USP38: variants seen among roughly 807,000 people sequenced by gnomAD.
The protein encoded by USP38 is ubiquitin carboxyl-terminal hydrolase 38.
Under a neutral mutation model 94.3 loss-of-function variants are expected in USP38, and 49 were observed. That is an observed-to-expected ratio of 0.52 (90% CI 0.41 to 0.66). USP38 has a LOEUF of 0.66. Among genes scored for constraint, USP38 ranks in the 30% least tolerant of loss-of-function variants. USP38 has a pLI of 0.00. For synonymous variants in USP38, 468 were observed against 463.6 expected, an observed-to-expected ratio of 1.01 and a Z score of -0.12; for missense variants, 1,128 against 1,229.4, an observed-to-expected ratio of 0.92 and a Z score of 1.23.
In USP38 at chr4:143,221,699, TA is replaced by T. The variant is rs927810973; in HGVS notation, c.*1246del. On this transcript the variant is annotated 3_prime_UTR_variant, in exon 10 of 10. Coordinates refer to ENST00000307017, the MANE Select transcript of USP38 (RefSeq NM_032557.6). ...GAGTTATCCCAGTTATCCCCCTTCCTAAAGGTTTTAACTTATCCACAGTTGT... is the reference window on the plus strand; with the variant it reads ...GAGTTATCCCAGTTATCCCCCTTCCTAAGGTTTTAACTTATCCACAGTTGT... 1 of 152,134 alleles carries T rather than the reference TA, an allele frequency of 6.6e-6. No individual in the cohort carries two copies. Among genetic ancestry groups the T allele is most frequent in the Non-Finnish European group, 1.5e-5 (1 of 67,988 alleles). The allele number at this position is 152,134 out of a possible 1,614,324, so 9.4% of individuals were successfully genotyped here. A position where few individuals can be genotyped will look rare whatever the true frequency, so the allele number is the denominator to read the frequency against.
intron 7 of USP38, among the ~76,000 whole-genome samples, chr4:143,211,355 G>A (rs1257432917): frequency 6.6e-6 from 1 of 151,824 alleles, no homozygotes; most frequent in Non-Finnish European, 1.5e-5. Context: ...TTAACCCCTG[G>A]TCTAAATCTT....
chr4:143,201,220 C>T (rs139699776), intron 4 of USP38, among the ~76,000 whole-genome samples: 2,986 of 152,138 alleles, frequency 0.02, 45 homozygotes, highest in Non-Finnish European at 0.031. Flanking sequence ...AGCCCACAGA[C>T]GAAGCTGCAC....
Position 143,195,625 on chromosome 4 carries a change from A to G in USP38, c.819-91A>G. 3 of 1,325,322 alleles carry G rather than the reference A, an allele frequency of 2.3e-6. No homozygotes were observed. The South Asian group carries it at 4.9e-5, about 22-fold the overall frequency. The allele number at this position is 1,325,322 out of a possible 1,614,324, so 82.1% of individuals were successfully genotyped here. A position where few individuals can be genotyped will look rare whatever the true frequency, so the allele number is the denominator to read the frequency against. ...GCAAATTCAGTAAATGTTTATTCACAAAGTGAGTGATTATCTACTGTAACT... is the reference window on the plus strand; with the variant it reads ...GCAAATTCAGTAAATGTTTATTCACGAAGTGAGTGATTATCTACTGTAACT... On this transcript the variant is annotated intron_variant, in intron 2 of 9. Coordinates refer to ENST00000307017, the MANE Select transcript of USP38 (RefSeq NM_032557.6).
chr4:143,200,306 A>G (rs1731675221), intron 4 of USP38, among the ~76,000 whole-genome samples: 1 of 152,218 alleles, frequency 6.6e-6, no homozygotes, highest in Non-Finnish European at 1.5e-5. Flanking sequence ...CAATGGATGC[A>G]GAAAAAGCTT....
rs1367113900 is a variant in USP38 at position 143,222,024 on chromosome 4, A to C, written c.*1568A>C. On this transcript the variant is annotated 3_prime_UTR_variant, in exon 10 of 10. Coordinates refer to ENST00000307017, the MANE Select transcript of USP38 (RefSeq NM_032557.6). The stretch of plus-strand genomic sequence containing the variant: ...CTGTGGTTTTCCTATCCCAATAGTG[A>C]ATTTCTGAGCTATCCTGTGTGTTCA... The C allele has an allele frequency of 6.6e-6, 1 of 152,014 alleles. No individual in the cohort carries two copies. The highest frequency in any genetic ancestry group is 1.5e-5 in the Non-Finnish European group (1 of 67,936). The allele number at this position is 152,014 out of a possible 1,614,324, so 9.4% of individuals were successfully genotyped here.
rs777334025 is a variant in USP38, at chr4:143,185,588, C to G, written c.138C>G (p.Thr46=). 6.2e-7 allele frequency: 1 copy of G among 1,614,034 alleles called. No individual in the cohort carries two copies. Among genetic ancestry groups the G allele is most frequent in the East Asian group, 2.2e-5 (1 of 44,884 alleles). The part of the protein sequence containing the change: ...AQCEAMFDLT[T]RLILEGQDPF... The stretch of plus-strand genomic sequence containing the variant: ...GCGAGGCCATGTTTGACCTGACGAC[C>G]CGGCTCATCCTGGAGGGCCAGGACC... The change falls in exon 1 of 10, where the codon ACC becomes ACG. Residue 46 remains threonine (T), a synonymous_variant. Transcript: ENST00000307017.
chr4:143,210,866 G>T (rs928487409), intron 7 of USP38, among the ~76,000 whole-genome samples: 1 of 151,818 alleles, frequency 6.6e-6, no homozygotes, highest in Non-Finnish European at 1.5e-5. Flanking sequence ...AAAGAATCTA[G>T]ACAGGATTAA....
intron 7 of USP38, among the ~76,000 whole-genome samples, chr4:143,210,030 A>G (rs930424563): frequency 4.6e-5 from 7 of 152,172 alleles, no homozygotes; most frequent in Admixed American, 2.6e-4. Flanking sequence ...GATTTGTACA[A>G]TAATGAGCAA....
At chr4:143,192,200 G>A (rs1477185651) in intron 2 of USP38, among the ~76,000 whole-genome samples, 5 of 152,144 alleles carry the variant, frequency 3.3e-5, no homozygotes, top group African/African-American at 1.2e-4. Flanking sequence ...TTTATTTCAT[G>A]AATGCTTTCT....
intron 1 of USP38, among the ~76,000 whole-genome samples, chr4:143,187,227 C>T (rs1731255594): frequency 6.6e-6 from 1 of 152,104 alleles, no homozygotes; most frequent in African/African-American, 2.4e-5. Flanking sequence ...GCAAAATCTC[C>T]ACAAAAGTCA....
In USP38 at chr4:143,223,298, CCTGA is replaced by C. The variant is rs574074854; in HGVS notation, c.*2845_*2848del. The C allele has an allele frequency of 2.0e-5, 3 of 152,030 alleles. No homozygotes were observed. The highest frequency in any genetic ancestry group is 4.4e-5 in the Non-Finnish European group (3 of 67,960). The allele number at this position is 152,030 out of a possible 1,614,324, so 9.4% of individuals were successfully genotyped here. On this transcript the variant is annotated 3_prime_UTR_variant, in exon 10 of 10. Transcript: ENST00000307017. ...GCAGGGCAGTATATCCCTGGAGATCCCTGACTTTTATCTCCATACCTTAAATTGT... is the reference window on the plus strand; with the variant it reads ...GCAGGGCAGTATATCCCTGGAGATCCCTTTTATCTCCATACCTTAAATTGT...
intron 9 of USP38, among the ~76,000 whole-genome samples, chr4:143,218,310 G>C (rs1416071789): frequency 6.6e-6 from 1 of 151,998 alleles, no homozygotes; most frequent in Admixed American, 6.6e-5. Context: ...TAACTTTCCT[G>C]TGACTAGATC....
Position 143,185,250 on chromosome 4 carries a change from C to A in USP38, c.-201C>A. On this transcript the variant is annotated 5_prime_UTR_variant, in exon 1 of 10. Transcript: ENST00000307017. ...CGCAGGTGTCGGTTCTTAGGCTCTC[C>A]AGGCTCGCTAGCTCCCGCCCCGGCT... 1 of 627,728 alleles carries A rather than the reference C, an allele frequency of 1.6e-6. No individual in the cohort carries two copies. The highest frequency in any genetic ancestry group is 2.7e-6 in the Non-Finnish European group (1 of 373,498). 38.9% of individuals were successfully genotyped at this position (627,728 alleles called of 1,614,324 possible). A position where few individuals can be genotyped will look rare whatever the true frequency, so the allele number is the denominator to read the frequency against.
At position 143,213,778 on chromosome 4, in the gene USP38, T is replaced by A. The variant is rs756496241; in HGVS notation, c.1802T>A (p.Leu601Ter). 1 of 1,613,830 alleles carries A rather than the reference T, an allele frequency of 6.2e-7. No individual in the cohort carries two copies. The highest frequency in any genetic ancestry group is 8.5e-7 in the Non-Finnish European group (1 of 1,179,848). The change falls in exon 9 of 10, where the codon TTG (leucine) becomes TAG (stop). Residue 601 changes from leucine (L) to a stop codon, truncating the protein, a stop_gained. Coordinates refer to ENST00000307017, the MANE Select transcript of USP38 (RefSeq NM_032557.6). LOFTEE classifies it high-confidence loss of function. ...GGKLRTHIRC[L>*]NCRSTSQKVE... ...AAACTACGAACTCACATACGTTGTT[T>A]GAACTGCAGGAGTACCTCACAAAAA...
intron 5 of USP38, chr4:143,204,563 A>G (rs1731808551): frequency 5.6e-6 from 2 of 358,816 alleles, no homozygotes; most frequent in Non-Finnish European, 1.1e-5. Flanking sequence ...CTAACTTTTT[A>G]TTTTTTGTAG....
At chr4:143,217,692 A>C (rs1732220525) in intron 9 of USP38, among the ~76,000 whole-genome samples, 2 of 152,120 alleles carry the variant, frequency 1.3e-5, no homozygotes, top group African/African-American at 4.8e-5. Context: ...TTCATTTTTC[A>C]ATTTTAAATC....
chr4:143,195,382 G>C (rs1581158038), intron 2 of USP38, among the ~76,000 whole-genome samples: 2 of 152,160 alleles, frequency 1.3e-5, no homozygotes, highest in East Asian at 3.8e-4. Flanking sequence ...AAAATCCAAA[G>C]CACTTCTGGT....
At chr4:143,196,239 G>A (rs1200715331) in intron 3 of USP38, among the ~76,000 whole-genome samples, 1 of 152,210 alleles carries the variant, frequency 6.6e-6, no homozygotes, top group African/African-American at 2.4e-5. Context: ...CTGAGAGGCA[G>A]AGGTTGCAGT....
At chr4:143,217,635 T>A (rs984618983) in intron 9 of USP38, among the ~76,000 whole-genome samples, 20 of 152,200 alleles carry the variant, frequency 1.3e-4, no homozygotes, top group Admixed American at 7.9e-4. Context: ...CACCTTGTGA[T>A]AATTTTAAGA....
Sources: gnomAD v4.1 joint callset for allele counts (sites outside exome capture counted in the v4.1 genomes callset) on GRCh38, gnomAD v4.1.1 for gene constraint, MANE v1.5 for transcripts, NCBI Gene and HGNC (gene_info 2026-07-23, HGNC 2026-07-21) for gene names.